Variants in RARB observed in about 807,000 individuals in gnomAD.
RARB encodes retinoic acid receptor beta.
In RARB, 17 loss-of-function variants were observed where a neutral mutation model predicts 51.9. The ratio of observed to expected loss-of-function variants is 0.33; its 90% CI spans 0.22 to 0.49. The LOEUF is 0.49. Ranked by LOEUF, RARB falls within the 20% of genes least tolerant of loss-of-function variation. The pLI, the probability that RARB is intolerant of heterozygous loss-of-function variation, is 0.99. For missense variants in RARB, 369 were observed against 550.8 expected, an observed-to-expected ratio of 0.67 and a Z score of 3.30; for synonymous variants, 215 against 195.4, an observed-to-expected ratio of 1.10 and a Z score of -0.84.
At chr3:25,102,742 C>G (rs903529542) in intron 3 of RARB, among the ~76,000 whole-genome samples, 10 of 151,912 alleles carry the variant, frequency 6.6e-5, no homozygotes, top group Admixed American at 2.0e-4. Context: ...AGTTAAGATG[C>G]CGTGAGTTTG....
intron 5 of RARB, among the ~76,000 whole-genome samples, chr3:25,379,610 C>T (rs985464627): frequency 6.6e-6 from 1 of 152,196 alleles, no homozygotes; most frequent in Non-Finnish European, 1.5e-5. Context: ...AGCAAGTACA[C>T]TTGGAAAATA....
At chr3:25,348,453 T>C (rs1356347228) in intron 5 of RARB, among the ~76,000 whole-genome samples, 1 of 136,932 alleles carries the variant, frequency 7.3e-6, no homozygotes, top group East Asian at 2.1e-4. Flanking sequence ...CTTGTTGGCT[T>C]CTTTGCAGGA....
In RARB at chr3:25,569,743, C is replaced by T. The variant is rs778155399; in HGVS notation, c.449-15C>T. 2 of 1,610,660 alleles carry T rather than the reference C, an allele frequency of 1.2e-6. No individual in the cohort carries two copies. ...CCTTCAGCGACCCCTGATGTGCCTTCTCTCTCGTTTCCAGCTGTCAGGAAT... is the reference window on the plus strand; with the variant it reads ...CCTTCAGCGACCCCTGATGTGCCTTTTCTCTCGTTTCCAGCTGTCAGGAAT... On this transcript the variant is annotated splice_polypyrimidine_tract_variant and intron_variant, in intron 3 of 7. Transcript: ENST00000330688.
At chr3:24,881,330 G>C (rs964824013) in intron 2 of RARB, among the ~76,000 whole-genome samples, 5 of 152,160 alleles carry the variant, frequency 3.3e-5, no homozygotes, top group Non-Finnish European at 5.9e-5. Flanking sequence ...TTTTAAGAAA[G>C]TGAAGTCTGA....
At chr3:24,963,549 C>G (rs907342612) in intron 2 of RARB, among the ~76,000 whole-genome samples, 2 of 151,164 alleles carry the variant, frequency 1.3e-5, no homozygotes, top group Non-Finnish European at 2.9e-5. Flanking sequence ...AACCCAAATT[C>G]AGGAAGCAGA....
chr3:24,921,658 C>T (rs1695220054), intron 2 of RARB, among the ~76,000 whole-genome samples: 1 of 152,130 alleles, frequency 6.6e-6, no homozygotes, highest in Non-Finnish European at 1.5e-5. Context: ...TCTCTTCCCG[C>T]ATAGTCTAGC....
chr3:25,448,739 T>C (rs1015283732), intron 1 of RARB, among the ~76,000 whole-genome samples: 2 of 152,214 alleles, frequency 1.3e-5, no homozygotes. Context: ...ACTGCTGAGA[T>C]TATAGGCGTG....
chr3:25,538,590 T>C (rs1446439160), intron 3 of RARB, among the ~76,000 whole-genome samples: 2 of 152,220 alleles, frequency 1.3e-5, no homozygotes, highest in Non-Finnish European at 2.9e-5. Flanking sequence ...AGTAGGCATT[T>C]AGAAACTTCA....
chr3:24,988,936 C>G (rs1380333271), intron 2 of RARB, among the ~76,000 whole-genome samples: 1 of 152,190 alleles, frequency 6.6e-6, no homozygotes, highest in Non-Finnish European at 1.5e-5. Flanking sequence ...AGCAATTCTC[C>G]TGCCTCAGCT....
intron 5 of RARB, among the ~76,000 whole-genome samples, chr3:25,359,683 C>A (rs62235603): frequency 0.25 from 38,305 of 152,056 alleles, 5,098 homozygotes; most frequent in Admixed American, 0.36. Flanking sequence ...TGTCATTGTT[C>A]TCACTGGTTT....
At chr3:24,924,016 G>A (rs1575074276) in intron 2 of RARB, among the ~76,000 whole-genome samples, 1 of 152,084 alleles carries the variant, frequency 6.6e-6, no homozygotes, top group South Asian at 2.1e-4. Context: ...TGTTTGGCTT[G>A]TTCAAGTATG....
intron 5 of RARB, 102 bp downstream of exon 5, chr3:25,580,824 T>C: frequency 3.8e-6 from 5 of 1,320,642 alleles, no homozygotes; most frequent in Non-Finnish European, 5.1e-6. Flanking sequence ...CAGAGGAGGT[T>C]TTGAGTTTCG....
intron 2 of RARB, among the ~76,000 whole-genome samples, chr3:25,016,781 G>A (rs1047999282): frequency 6.6e-6 from 1 of 151,936 alleles, no homozygotes; most frequent in Non-Finnish European, 1.5e-5. Context: ...TGAGGAGTAG[G>A]AGTCTTCTGT....
intron 3 of RARB, among the ~76,000 whole-genome samples, chr3:25,546,821 G>T (rs17016719): frequency 0.013 from 1,965 of 151,924 alleles, 44 homozygotes; most frequent in African/African-American, 0.045. Flanking sequence ...GTTTTTTCTC[G>T]GCATACACAC....
intron 5 of RARB, among the ~76,000 whole-genome samples, chr3:25,394,582 A>C (rs893167240): frequency 2.0e-5 from 3 of 152,110 alleles, no homozygotes; most frequent in African/African-American, 7.2e-5. Context: ...TGGGAGCTCC[A>C]GTGTTAGAGG....
chr3:25,188,189 G>A lies in RARB; in HGVS notation c.178+13614G>A, dbSNP rs1006038639. ...AGCATATTAATAGTCTTCATTTCTG[G>A]GTCAGGGAATCATCCCTGATGTTTT... On this transcript the variant is annotated intron_variant, in intron 5 of 11. Coordinates refer to the RARB transcript ENST00000383772. 2.0e-5 allele frequency among the ~76,000 whole-genome samples: 3 copies of A among 152,074 alleles called. No individual in the cohort carries two copies. In the East Asian group the frequency reaches 5.8e-4, roughly 30 times the overall value.
At chr3:25,408,872 A>G (rs1707485687) in intron 5 of RARB, among the ~76,000 whole-genome samples, 1 of 152,152 alleles carries the variant, frequency 6.6e-6, no homozygotes, top group Non-Finnish European at 1.5e-5. Context: ...AGTCTCTACT[A>G]AAAATACAAA....
chr3:25,535,412 T>C (rs1255557221), intron 3 of RARB, among the ~76,000 whole-genome samples: 1 of 76,374 alleles, frequency 1.3e-5, no homozygotes, highest in East Asian at 2.9e-4. Flanking sequence ...TCCTTATCTC[T>C]TTTTTTTTTT....
intron 2 of RARB, among the ~76,000 whole-genome samples, chr3:24,904,324 A>T (rs547993799): frequency 2.0e-5 from 3 of 152,216 alleles, no homozygotes; most frequent in Admixed American, 6.5e-5. Context: ...AATGCCATGA[A>T]AACAACCCCA....
Sources: gnomAD v4.1 joint callset for allele counts (sites outside exome capture counted in the v4.1 genomes callset) on GRCh38, gnomAD v4.1.1 for gene constraint, MANE v1.5 for transcripts, NCBI Gene and HGNC (gene_info 2026-07-23, HGNC 2026-07-21) for gene names.